Variants in PAPPA2 observed in about 807,000 individuals in gnomAD.
PAPPA2 encodes the protein pappalysin-2.
Under a neutral mutation model 176.4 loss-of-function variants are expected in PAPPA2, and 86 were observed. The observed-to-expected ratio is 0.49, with a 90% confidence interval of 0.41 to 0.58. The LOEUF (loss-of-function observed/expected upper bound fraction) is 0.58. PAPPA2 is among the 20% of genes least tolerant of loss of function. The pLI is 0.00. For missense variants in PAPPA2, 2,073 were observed against 2,256.9 expected (o/e 0.92, Z 1.65); for synonymous variants, 809 against 852.2 (o/e 0.95, Z 0.88).
intron 1 of PAPPA2, among the ~76,000 whole-genome samples, chr1:176,483,773 A>T (rs1376303545): frequency 6.6e-6 from 1 of 151,998 alleles, no homozygotes. Flanking sequence ...CCAGCCTCAG[A>T]CATCTTTTAA....
At chr1:176,591,071 A>G (rs1000079979) in intron 2 of PAPPA2, among the ~76,000 whole-genome samples, 3 of 143,688 alleles carry the variant, frequency 2.1e-5, no homozygotes, top group African/African-American at 7.9e-5. Flanking sequence ...AAAAGTAAAT[A>G]TAGTCACACA....
At chr1:176,627,858 G>A (rs1030000983) in intron 3 of PAPPA2, among the ~76,000 whole-genome samples, 1 of 152,142 alleles carries the variant, frequency 6.6e-6, no homozygotes, top group Non-Finnish European at 1.5e-5. Context: ...GTGAGAACTT[G>A]CTTAAATGCT....
At chr1:176,616,809 A>G in intron 3 of PAPPA2, 1 of 761,572 alleles carries the variant, frequency 1.3e-6, no homozygotes, top group Non-Finnish European at 2.2e-6. Context: ...GTTAAAAAAT[A>G]CTCAATAGGG....
At chr1:176,694,953 G>C (rs1467691077) in intron 6 of PAPPA2, among the ~76,000 whole-genome samples, 1 of 152,230 alleles carries the variant, frequency 6.6e-6, no homozygotes, top group African/African-American at 2.4e-5. Flanking sequence ...AGAGAAGGGA[G>C]TACTGGTCAC....
intron 14 of PAPPA2, among the ~76,000 whole-genome samples, chr1:176,752,353 A>AC (rs1663222560): frequency 6.6e-6 from 1 of 151,722 alleles, no homozygotes; most frequent in Non-Finnish European, 1.5e-5. Context: ...AAAAAAAAAA[A>AC]AAAAAAAAAA....
In PAPPA2 at chr1:176,769,500, G is replaced by A. The variant is rs561442339; in HGVS notation, c.4324-107G>A. 1.5e-4 allele frequency: 181 copies of A among 1,219,362 alleles called. No homozygotes were observed. The Middle Eastern group carries it at 3.3e-3, about 22-fold the overall frequency. The allele number at this position is 1,219,362 out of a possible 1,614,324, so 75.5% of individuals were successfully genotyped here. ...GGAGAAAGGCAAAATAATTTGTCCC[G>A]TTTTAAATGTTTAGACAGATAATCA... On this transcript the variant is annotated intron_variant, in intron 15 of 22. Transcript: ENST00000367662.
At chr1:176,766,869 T>C (rs1194351380) in intron 15 of PAPPA2, among the ~76,000 whole-genome samples, 1 of 151,784 alleles carries the variant, frequency 6.6e-6, no homozygotes, top group East Asian at 1.9e-4. Context: ...AGAGTGGACA[T>C]ACAACTGTTA....
intron 20 of PAPPA2, among the ~76,000 whole-genome samples, chr1:176,794,037 G>T (rs556219683): frequency 1.3e-5 from 2 of 152,146 alleles, no homozygotes; most frequent in South Asian, 4.1e-4. Context: ...GCAACAGAGC[G>T]AGACTCCATC....
At chr1:176,607,353 C>T (rs1573117333) in intron 3 of PAPPA2, among the ~76,000 whole-genome samples, 1 of 152,206 alleles carries the variant, frequency 6.6e-6, no homozygotes, top group Non-Finnish European at 1.5e-5. Flanking sequence ...ACCTACCTCT[C>T]TTCATATCTA....
intron 3 of PAPPA2, among the ~76,000 whole-genome samples, chr1:176,596,222 G>A (rs114629471): frequency 0.016 from 2,489 of 152,102 alleles, 44 homozygotes; most frequent in African/African-American, 0.041. Context: ...GTCATTTCTC[G>A]TCTTAAGATT....
chr1:176,825,614 G>A (rs1666828047), intron 21 of PAPPA2, among the ~76,000 whole-genome samples: 1 of 152,280 alleles, frequency 6.6e-6, no homozygotes, highest in Admixed American at 6.5e-5. Flanking sequence ...GAGAGACTAG[G>A]AGACTCAAGA....
intron 12 of PAPPA2, 22 bp from the exon 13 acceptor site, chr1:176,739,604 A>T (rs1374097692): frequency 6.2e-7 from 1 of 1,605,858 alleles, no homozygotes; most frequent in Non-Finnish European, 8.5e-7. Context: ...AATGACTTAT[A>T]CATAAATGTG....
chr1:176,686,864 A>G (rs1316237141), intron 4 of PAPPA2, among the ~76,000 whole-genome samples: 2 of 152,218 alleles, frequency 1.3e-5, no homozygotes, highest in African/African-American at 4.8e-5. Context: ...TTGAACAGCC[A>G]AGGCCATGGA....
intron 12 of PAPPA2, among the ~76,000 whole-genome samples, chr1:176,738,981 C>T (rs1662545148): frequency 6.6e-6 from 1 of 152,060 alleles, no homozygotes; most frequent in Non-Finnish European, 1.5e-5. Flanking sequence ...CCATTGTTGG[C>T]TTATTTTCCT....
intron 17 of PAPPA2, among the ~76,000 whole-genome samples, chr1:176,783,945 G>A (rs1183447103): frequency 2.6e-5 from 4 of 152,154 alleles, no homozygotes; most frequent in African/African-American, 7.2e-5. Context: ...TTTTTAAGTG[G>A]CTTCTACATA....
At chr1:176,578,789 A>C (rs1035683118) in intron 2 of PAPPA2, among the ~76,000 whole-genome samples, 1 of 152,170 alleles carries the variant, frequency 6.6e-6, no homozygotes, top group African/African-American at 2.4e-5. Context: ...AGAAAGGGGC[A>C]CTTTTTGCTT....
At chr1:176,735,266 C>T (rs1662344729) in intron 12 of PAPPA2, among the ~76,000 whole-genome samples, 1 of 152,106 alleles carries the variant, frequency 6.6e-6, no homozygotes, top group African/African-American at 2.4e-5. Context: ...TGCCTGCCTA[C>T]TTTTCTTCTG....
chr1:176,625,483 A>G (rs1393563182), intron 3 of PAPPA2, among the ~76,000 whole-genome samples: 1 of 152,226 alleles, frequency 6.6e-6, no homozygotes, highest in Non-Finnish European at 1.5e-5. Flanking sequence ...GCAAATCAGT[A>G]AATACACAAA....
At chr1:176,538,392 T>C (rs1027169149) in intron 1 of PAPPA2, among the ~76,000 whole-genome samples, 1 of 152,188 alleles carries the variant, frequency 6.6e-6, no homozygotes, top group Non-Finnish European at 1.5e-5. Context: ...AATGAAGATG[T>C]GGGGAGGTGA....
Sources: allele counts gnomAD v4.1 joint callset (sites outside exome capture counted in the v4.1 genomes callset), GRCh38; gene constraint gnomAD v4.1.1; transcripts MANE v1.5; gene names NCBI Gene and HGNC (gene_info 2026-07-23, HGNC 2026-07-21).